Variants in NDUFA10 observed in about 807,000 individuals in gnomAD.
NDUFA10 encodes NADH:ubiquinone oxidoreductase subunit A10, also known as NADH dehydrogenase [ubiquinone] 1 alpha subcomplex subunit 10, mitochondrial.
In NDUFA10, 40 loss-of-function variants were observed where a neutral mutation model predicts 47.8. The observed-to-expected ratio is 0.84, with a 90% CI of 0.65 to 1.09. The LOEUF is 1.09. NDUFA10 is among the 50% of genes least tolerant of loss of function. The probability of loss-of-function intolerance (pLI) is 0.00; values close to 1 mark genes in which losing one functional copy is unlikely to be tolerated. For missense variants in NDUFA10, 413 were observed against 451.1 expected (o/e 0.92, Z 0.76); for synonymous variants, 183 against 172.2 (o/e 1.06, Z -0.49).
intron 4 of NDUFA10, among the ~76,000 whole-genome samples, chr2:239,908,498 A>G (rs527558448): frequency 6.6e-6 from 1 of 152,286 alleles, no homozygotes; most frequent in South Asian, 2.1e-4. Flanking sequence ...CCACAGCCTG[A>G]CAGTGCCGCC....
intron 9 of NDUFA10, among the ~76,000 whole-genome samples, chr2:239,962,464 A>G (rs1694896405): frequency 6.6e-6 from 1 of 152,106 alleles, no homozygotes; most frequent in African/African-American, 2.4e-5. Context: ...AGGTCGCCCC[A>G]AGACCAGCCA....
chr2:239,941,237 A>G (rs903513437), intron 4 of NDUFA10, among the ~76,000 whole-genome samples: 34 of 152,248 alleles, frequency 2.2e-4, no homozygotes, highest in African/African-American at 8.2e-4. Flanking sequence ...ATGTCAGAAC[A>G]TATGCAAACA....
chr2:239,988,621 C>G (rs1250751384), intron 9 of NDUFA10, among the ~76,000 whole-genome samples: 2 of 152,166 alleles, frequency 1.3e-5, no homozygotes, highest in Non-Finnish European at 2.9e-5. Context: ...GCCTGGAGGT[C>G]AACAGGAAGA....
At chr2:239,944,725 G>A (rs1371414324) in intron 4 of NDUFA10, among the ~76,000 whole-genome samples, 14 of 152,146 alleles carry the variant, frequency 9.2e-5, no homozygotes, top group Admixed American at 4.6e-4. Context: ...AGCCCCTGGT[G>A]GTCCCAGGGC....
chr2:239,912,650 A>G (rs1486534670), intron 4 of NDUFA10, among the ~76,000 whole-genome samples: 1 of 152,166 alleles, frequency 6.6e-6, no homozygotes, highest in Admixed American at 6.5e-5. Flanking sequence ...TAGGTGGATC[A>G]GCCTCCATGA....
intron 9 of NDUFA10, chr2:239,976,504 C>A (rs1198040709): frequency 1.3e-5 from 2 of 152,348 alleles, no homozygotes; most frequent in Non-Finnish European, 2.9e-5. Context: ...CAGCAACCTA[C>A]CGCACATCCC....
intron 8 of NDUFA10, among the ~76,000 whole-genome samples, chr2:239,991,685 TCTTA>T (rs1339611236): frequency 1.3e-5 from 2 of 152,232 alleles, no homozygotes; most frequent in South Asian, 2.1e-4. Context: ...GTACGTATCT[TCTTA>T]CTGTTAACAC....
At position 239,928,130 on chromosome 2, in the gene NDUFA10, G is replaced by A. The variant is rs1694096121; in HGVS notation, c.295-32816C>T. Among the ~76,000 whole-genome samples, 1 of 151,762 alleles carries A rather than the reference G, an allele frequency of 6.6e-6. No homozygotes were observed. The highest frequency in any genetic ancestry group is 1.5e-5 in the Non-Finnish European group (1 of 67,988). On this transcript the variant is annotated intron_variant, in intron 4 of 5. Transcript: ENST00000419408. The surrounding 1 kb of genome is among the most constrained non-coding windows in gnomAD (Gnocchi z 4.3). ...CCAGCACAGCCCCCACCACAAACGCGAGTAAGGAGCAGAAGGTCTGTACAA... is the reference window on the plus strand; with the variant it reads ...CCAGCACAGCCCCCACCACAAACGCAAGTAAGGAGCAGAAGGTCTGTACAA...
intron 4 of NDUFA10, among the ~76,000 whole-genome samples, chr2:239,938,719 CAGTT>C (rs1245811132): frequency 3.3e-5 from 5 of 152,138 alleles, no homozygotes; most frequent in African/African-American, 1.2e-4. Flanking sequence ...ACCTGTGGAT[CAGTT>C]AAACGGGGGC....
intron 6 of NDUFA10, among the ~76,000 whole-genome samples, chr2:240,010,020 AAATTTCATAGTG>A (rs1697080375): frequency 1.3e-5 from 2 of 152,244 alleles, no homozygotes; most frequent in South Asian, 2.1e-4. Flanking sequence ...AGTTTCAGCC[AAATTTCATAGTG>A]AATTTCTATG....
rs189874769 is a variant in NDUFA10 at position 239,988,920 on chromosome 2, C to T, written c.999+1154G>A. Among the ~76,000 whole-genome samples the T allele has an allele frequency of 7.4e-5, 11 of 148,854 alleles. No individual in the cohort carries two copies. In the East Asian group the frequency reaches 1.2e-3, roughly 16 times the overall value. ...GAGACACAGCACACACACTCACACA[C>T]GTGTACAAGGACAGAAAGGGAGAAA... is the stretch of plus-strand genomic sequence containing the variant. On this transcript the variant is annotated intron_variant, in intron 9 of 9. Transcript: ENST00000252711.
At position 239,933,504 on chromosome 2, in the gene NDUFA10, T is replaced by G. The variant is rs532697108; in HGVS notation, c.295-38190A>C. Among the ~76,000 whole-genome samples, 1,150 of 125,228 alleles carry G rather than the reference T, an allele frequency of 9.2e-3. 7 individuals carry two copies. The highest frequency in any genetic ancestry group is 0.01 in the Non-Finnish European group (627 of 60,712). 82.2% of individuals were successfully genotyped at this position (125,228 alleles called of 152,430 possible). On this transcript the variant is annotated intron_variant, in intron 4 of 5. Coordinates refer to the NDUFA10 transcript ENST00000419408. ...CAGCCAAGCCACGGAGCCTCCATGG[T>G]TTTTTTTTTGTTTTTTTGTTTTGTT...
intron 8 of NDUFA10, among the ~76,000 whole-genome samples, chr2:240,004,716 G>A (rs1376108981): frequency 6.6e-6 from 1 of 150,842 alleles, no homozygotes. Context: ...CCTGCCTGAA[G>A]AGCCTCTGCA....
At position 239,960,772 on chromosome 2, in the gene NDUFA10, G is replaced by A. The variant is rs1694822758; in HGVS notation, c.*346C>T. The A allele has an allele frequency of 8.2e-7, 1 of 1,224,422 alleles. No individual in the cohort carries two copies. The highest frequency in any genetic ancestry group is 1.0e-6 in the Non-Finnish European group (1 of 966,202). 75.8% of individuals were successfully genotyped at this position (1,224,422 alleles called of 1,614,324 possible). On this transcript the variant is annotated 3_prime_UTR_variant, in exon 10 of 10. Transcript: ENST00000252711. ...GAAACACTTTTATTTCTGGAAGTCA[G>A]AAGAAAAACAATGTGCACAACCTGA...
chr2:239,907,908 A>G (rs1005034631), intron 4 of NDUFA10, among the ~76,000 whole-genome samples: 2 of 152,194 alleles, frequency 1.3e-5, no homozygotes, highest in Non-Finnish European at 2.9e-5. Flanking sequence ...CATATACCCA[A>G]AGGAATATAA....
intron 5 of NDUFA10, among the ~76,000 whole-genome samples, chr2:239,893,589 T>C (rs1234465219): frequency 6.6e-6 from 1 of 152,124 alleles, no homozygotes; most frequent in Non-Finnish European, 1.5e-5. Flanking sequence ...AACTGCTGTG[T>C]CTCCACGTGG....
chr2:239,970,767 G>C (rs1476219260), intron 9 of NDUFA10, among the ~76,000 whole-genome samples: 3 of 152,212 alleles, frequency 2.0e-5, no homozygotes, highest in Admixed American at 1.3e-4. Flanking sequence ...GAAATAAAGA[G>C]GGGTAGCTCG....
chr2:240,018,710 T>A, intron 3 of NDUFA10, 71 bp from the exon 4 acceptor site: 1 of 1,465,034 alleles, frequency 6.8e-7, no homozygotes, highest in East Asian at 2.3e-5. Flanking sequence ...GATCACTGCA[T>A]TCCAGAGAAA....
chr2:239,944,434 G>A (rs569765113), intron 4 of NDUFA10, among the ~76,000 whole-genome samples: 2 of 152,316 alleles, frequency 1.3e-5, no homozygotes, highest in African/African-American at 4.8e-5. Flanking sequence ...CTCAGGCTGG[G>A]TGCCTGGCTG....
Sources: allele counts gnomAD v4.1 joint callset (sites outside exome capture counted in the v4.1 genomes callset), GRCh38; gene constraint gnomAD v4.1.1; non-coding constraint Gnocchi (gnomAD v3.1); transcripts MANE v1.5; gene names NCBI Gene and HGNC (gene_info 2026-07-23, HGNC 2026-07-21).